Variants in SLC9B2 observed in about 807,000 individuals in gnomAD.
SLC9B2 encodes sodium/hydrogen exchanger 9B2.
In SLC9B2, 39 loss-of-function variants were observed where a neutral mutation model predicts 52.2. The observed-to-expected ratio is 0.75, with a 90% CI of 0.58 to 0.98. The LOEUF (loss-of-function observed/expected upper bound fraction) is 0.98. Ranked by LOEUF, SLC9B2 falls within the 50% of genes least tolerant of loss-of-function variation. SLC9B2 has a pLI of 0.00. For missense variants in SLC9B2, 626 were observed against 637.5 expected, an observed-to-expected ratio of 0.98 and a Z score of 0.19; for synonymous variants, 214 against 227.0, an observed-to-expected ratio of 0.94 and a Z score of 0.51.
At chr4:103,059,590 C>T (rs1745452011) in intron 3 of SLC9B2, among the ~76,000 whole-genome samples, 1 of 152,154 alleles carries the variant, frequency 6.6e-6, no homozygotes, top group South Asian at 2.1e-4. Flanking sequence ...TTAAAAGGTC[C>T]TCATGCAGGG....
At position 103,026,394 on chromosome 4, in the gene SLC9B2, T is replaced by C. The variant is rs1321784819; in HGVS notation, c.1590A>G (p.Gln530=). 2 of 1,613,314 alleles carry C rather than the reference T, an allele frequency of 1.2e-6. No homozygotes were observed. Among genetic ancestry groups the C allele is most frequent in the Non-Finnish European group, 1.7e-6 (2 of 1,179,500 alleles). Reference sequence around the variant, plus strand: ...TCTAAACTTGCACAGAAGTCTCTCCTTGAACTTCTTCATCTTTATTTTGAT... The same window carrying C: ...TCTAAACTTGCACAGAAGTCTCTCCCTGAACTTCTTCATCTTTATTTTGAT... The part of the protein sequence containing the change: ...VEHQNKDEEV[Q]GETSVQV Residue 530 remains glutamine (Q), a synonymous_variant, in exon 12 of 12, where the codon CAA becomes CAG. Transcript: ENST00000394785.
At chr4:103,058,092 T>C (rs1344804641) in intron 3 of SLC9B2, 121 bp from the exon 4 acceptor site, 4 of 948,948 alleles carry the variant, frequency 4.2e-6, no homozygotes, top group Non-Finnish European at 6.3e-6. Flanking sequence ...ATAATCATGT[T>C]TAATCTGTAA....
At position 103,043,465 on chromosome 4, in the gene SLC9B2, A is replaced by G. The variant is rs1294195060; in HGVS notation, c.997-20T>C. On this transcript the variant is annotated intron_variant, in intron 8 of 11. Coordinates refer to ENST00000394785, the MANE Select transcript of SLC9B2 (RefSeq NM_178833.7). ...TTTGTCCTTTAGGAGAAAAAAATTC[A>G]TTTGCTCAATTATTTCAAATCCCTG... 1.3e-6 allele frequency: 2 copies of G among 1,579,526 alleles called. No homozygotes were observed. Among genetic ancestry groups the G allele is most frequent in the South Asian group, 1.2e-5 (1 of 84,678 alleles).
At chr4:103,043,234 GAAAGCCAACTTAATCTCATTAGA>G in intron 9 of SLC9B2, 39 bp downstream of exon 9, 1 of 1,470,634 alleles carries the variant, frequency 6.8e-7, no homozygotes, top group Non-Finnish European at 9.1e-7. Context: ...AAAGTATCTG[GAAAGCCAACTTAATCTCATTAGA>G]AAAGAGTCAT....
At chr4:103,072,441 G>A (rs765178663) in intron 1 of SLC9B2, among the ~76,000 whole-genome samples, 3 of 152,302 alleles carry the variant, frequency 2.0e-5, no homozygotes, top group East Asian at 1.9e-4. Context: ...CTAAGGTGGC[G>A]CTGCAGGAGC....
At chr4:103,019,706 C>G, downstream of SLC9B2, 1 of 985,522 alleles carries the variant, frequency 1.0e-6, no homozygotes, top group Non-Finnish European at 1.2e-6. Flanking sequence ...ACGCGAAAGC[C>G]CGGATAGACT....
At chr4:103,040,936 C>T (rs1343996764) in intron 9 of SLC9B2, among the ~76,000 whole-genome samples, 1 of 152,134 alleles carries the variant, frequency 6.6e-6, no homozygotes, top group East Asian at 1.9e-4. Flanking sequence ...GCCCAGAACT[C>T]AAATTTAACA....
In SLC9B2 at chr4:103,043,736, G is replaced by C. The variant is rs569747516; in HGVS notation, c.997-291C>G. ...GCAGAAAAAAAGTACATGAGCTTTG[G>C]AGCTGGACAGACCAAGGTTAAATTT... On this transcript the variant is annotated intron_variant, in intron 8 of 11. Transcript: ENST00000394785. 7.2e-5 allele frequency among the ~76,000 whole-genome samples: 11 copies of C among 152,238 alleles called. No individual in the cohort carries two copies. In the South Asian group the frequency reaches 1.7e-3, roughly 23 times the overall value.
chr4:103,039,386 A>G (rs562295103), intron 9 of SLC9B2, among the ~76,000 whole-genome samples: 6 of 152,186 alleles, frequency 3.9e-5, no homozygotes, highest in Non-Finnish European at 7.3e-5. Flanking sequence ...TAACTTGCAC[A>G]TGGTCAGACA....
At position 103,028,809 on chromosome 4, in the gene SLC9B2, C is replaced by T. The variant is rs771582275; in HGVS notation, c.1330G>A (p.Gly444Ser). ...AATATCTTTTCTTTTAAGTTAAAAC[C>T]AGCAAAACACACCATCAGAAATGTA... ...LTTFLMVCFA[G>S]FNLKEKIFIS... Residue 444 changes from glycine (G) to serine (S), a missense_variant, in exon 11 of 12, where the codon GGT becomes AGT. Gly to Ser is a moderately conservative substitution (Grantham distance 56). Transcript: ENST00000394785. 1.4e-5 allele frequency: 23 copies of T among 1,609,664 alleles called. No homozygotes were observed. The Admixed American group carries it at 3.7e-4, about 26-fold the overall frequency.
intron 3 of SLC9B2, among the ~76,000 whole-genome samples, chr4:103,063,079 A>T (rs183442855): frequency 7.9e-5 from 12 of 152,344 alleles, no homozygotes; most frequent in East Asian, 1.9e-4. Context: ...ATACATTTTT[A>T]AAAAATGTGT....
Position 103,022,591 on chromosome 4 carries a change from G to C in SLC9B2, c.*3779C>G, listed in dbSNP as rs1036196871. On this transcript the variant is annotated 3_prime_UTR_variant, in exon 12 of 12. Coordinates refer to ENST00000394785, the MANE Select transcript of SLC9B2 (RefSeq NM_178833.7). ...ATCAGAAAAAAATACTATTTTTAAA[G>C]AATGTAGTGGATGAGATCATTTGCA... Among the ~76,000 whole-genome samples, 3 of 152,174 alleles carry C rather than the reference G, an allele frequency of 2.0e-5. No homozygotes were observed. The highest frequency in any genetic ancestry group is 4.4e-5 in the Non-Finnish European group (3 of 68,022).
chr4:103,057,418 C>A (rs1745247488), intron 4 of SLC9B2, among the ~76,000 whole-genome samples: 2 of 152,008 alleles, frequency 1.3e-5, no homozygotes, highest in South Asian at 2.1e-4. Context: ...ATCCTCCCAC[C>A]TCAGCCTCCT....
In SLC9B2 at chr4:103,025,707, TG is replaced by T. The variant is rs1742134381; in HGVS notation, c.*662del. ...CTCCTTAGGGGAAGGTAGACTCACA[TG>T]GGCCACTGAAATAAAGGAACCTGGG... On this transcript the variant is annotated 3_prime_UTR_variant, in exon 12 of 12. Coordinates refer to ENST00000394785, the MANE Select transcript of SLC9B2 (RefSeq NM_178833.7). 6.6e-6 allele frequency: 1 copy of T among 152,050 alleles called. No individual in the cohort carries two copies. Among genetic ancestry groups the T allele is most frequent in the Non-Finnish European group, 1.5e-5 (1 of 68,100 alleles). 9.4% of individuals were successfully genotyped at this position (152,050 alleles called of 1,614,324 possible).
At chr4:103,052,340 T>C (rs1336315307) in intron 4 of SLC9B2, among the ~76,000 whole-genome samples, 2 of 152,246 alleles carry the variant, frequency 1.3e-5, no homozygotes, top group African/African-American at 4.8e-5. Context: ...TAATGCTCGC[T>C]CACCTCCTGC....
chr4:103,071,181 GAT>G (rs1000501906), intron 1 of SLC9B2, among the ~76,000 whole-genome samples: 1 of 150,664 alleles, frequency 6.6e-6, no homozygotes. Flanking sequence ...TATGTAATTT[GAT>G]ATATATATAT....
At chr4:103,044,827 G>T in intron 8 of SLC9B2, 63 bp downstream of exon 8, 3 of 1,303,004 alleles carry the variant, frequency 2.3e-6, no homozygotes, top group Non-Finnish European at 3.3e-6. Context: ...TGAAGGAAGT[G>T]TTCTAGAATG....
In SLC9B2 at chr4:103,031,731, T is replaced by C; in HGVS notation, c.1224A>G (p.Val408=). 6.2e-7 allele frequency: 1 copy of C among 1,612,736 alleles called. No individual in the cohort carries two copies. The highest frequency in any genetic ancestry group is 8.5e-7 in the Non-Finnish European group (1 of 1,179,140). Residue 408 remains valine, a synonymous_variant, in exon 10 of 12, where the codon GTA becomes GTG. Coordinates refer to ENST00000394785, the MANE Select transcript of SLC9B2 (RefSeq NM_178833.7). ...PLLFGLIGAE[V]SIASLRPETV... ...TTTCTGGTCTGAGAGATGCAATAGA[T>C]ACCTCTGCTCCAATTAGTCCAAAAA...
chr4:103,056,632 C>G (rs575902109), intron 4 of SLC9B2, among the ~76,000 whole-genome samples: 2 of 152,294 alleles, frequency 1.3e-5, no homozygotes, highest in South Asian at 4.1e-4. Context: ...TTTATATAGG[C>G]ACATACATTA....
Sources: gnomAD v4.1 joint callset for allele counts (sites outside exome capture counted in the v4.1 genomes callset) on GRCh38, gnomAD v4.1.1 for gene constraint, MANE v1.5 for transcripts, NCBI Gene and HGNC (gene_info 2026-07-23, HGNC 2026-07-21) for gene names.